Variants in ATL1 observed in about 807,000 individuals in gnomAD.
ATL1 encodes atlastin-1.
In ATL1, 31 loss-of-function variants were observed where a neutral mutation model predicts 75.5. That is an observed-to-expected ratio of 0.41 (90% confidence interval 0.31 to 0.55). The LOEUF (loss-of-function observed/expected upper bound fraction) is 0.55. Ranked by LOEUF, ATL1 falls within the 20% of genes least tolerant of loss-of-function variation. The pLI is 0.27. For missense variants in ATL1, 405 were observed against 662.6 expected, an observed-to-expected ratio of 0.61 and a Z score of 4.27; for synonymous variants, 226 against 233.3, an observed-to-expected ratio of 0.97 and a Z score of 0.28.
chr14:50,606,959 C>T (rs183128071), intron 6 of ATL1, among the ~76,000 whole-genome samples: 281 of 152,126 alleles, frequency 1.8e-3, no homozygotes, highest in Middle Eastern at 3.4e-3. Context: ...ACTTCCAACA[C>T]TAAAATTTGA....
upstream of ATL1, among the ~76,000 whole-genome samples, chr14:50,555,473 G>A (rs2140166390): frequency 6.6e-6 from 1 of 152,138 alleles, no homozygotes; most frequent in Admixed American, 6.5e-5. Flanking sequence ...TAGTAGAGAC[G>A]GGGTTTCACC....
chr14:50,584,803 A>T (rs1249523506), intron 1 of ATL1, among the ~76,000 whole-genome samples: 2 of 151,928 alleles, frequency 1.3e-5, no homozygotes, highest in Non-Finnish European at 2.9e-5. Context: ...TTTCTTAAAC[A>T]TGGTATACAA....
chr14:50,559,561 A>C (rs1446515405), upstream of ATL1: 1 of 152,260 alleles, frequency 6.6e-6, no homozygotes, highest in African/African-American at 2.4e-5. Flanking sequence ...TATCTTTGCA[A>C]ATCTAGTGGG....
At chr14:50,560,605 G>A (rs568232784) in intron 1 of ATL1, 1 of 434,656 alleles carries the variant, frequency 2.3e-6, no homozygotes, top group South Asian at 2.3e-5. Context: ...CGCCTCCGGG[G>A]ACTTGTGGGT....
At chr14:50,590,376 G>T (rs904628710) in intron 2 of ATL1, among the ~76,000 whole-genome samples, 2 of 152,168 alleles carry the variant, frequency 1.3e-5, no homozygotes, top group African/African-American at 2.4e-5. Flanking sequence ...TCAGAATCTG[G>T]CTGTCTGTCC....
intron 1 of ATL1, among the ~76,000 whole-genome samples, chr14:50,540,755 T>C (rs1338978265): frequency 6.6e-6 from 1 of 152,206 alleles, no homozygotes; most frequent in Non-Finnish European, 1.5e-5. Context: ...GCAGAATTCC[T>C]ACATTAGGTT....
chr14:50,545,954 C>T (rs765962675), intron 1 of ATL1, among the ~76,000 whole-genome samples: 1 of 152,166 alleles, frequency 6.6e-6, no homozygotes, highest in African/African-American at 2.4e-5. Flanking sequence ...CTGAAGCTCT[C>T]TATTTCTCTC....
intron 1 of ATL1, among the ~76,000 whole-genome samples, chr14:50,544,017 T>G (rs1276144512): frequency 6.6e-6 from 1 of 152,228 alleles, no homozygotes; most frequent in African/African-American, 2.4e-5. Flanking sequence ...GTTGGGGTGA[T>G]TGATTCTAAC....
At chr14:50,549,279 T>C (rs2038672989) in intron 1 of ATL1, among the ~76,000 whole-genome samples, 1 of 152,074 alleles carries the variant, frequency 6.6e-6, no homozygotes, top group East Asian at 1.9e-4. Flanking sequence ...CATATAACCA[T>C]ATAGGTACAT....
chr14:50,613,899 G>A (rs2039390328), intron 7 of ATL1, among the ~76,000 whole-genome samples: 1 of 152,160 alleles, frequency 6.6e-6, no homozygotes, highest in Non-Finnish European at 1.5e-5. Context: ...TAAAGTGGGA[G>A]GTGAGGGTGA....
chr14:50,542,385 A>T (rs1350011852), intron 1 of ATL1: 1 of 152,138 alleles, frequency 6.6e-6, no homozygotes, highest in Non-Finnish European at 1.5e-5. Flanking sequence ...AGGTGCAGCA[A>T]ACTACCATGG....
chr14:50,610,028 G>A (rs1010304968), intron 6 of ATL1, among the ~76,000 whole-genome samples: 13 of 151,586 alleles, frequency 8.6e-5, no homozygotes, highest in African/African-American at 2.9e-4. Context: ...CTGCCCCACA[G>A]ATTATGTAAG....
In ATL1 at chr14:50,536,897, T is replaced by C. The variant is rs530248841; in HGVS notation, c.-140+3530T>C. 2.8e-4 allele frequency among the ~76,000 whole-genome samples: 43 copies of C among 152,266 alleles called. No homozygotes were observed. In the South Asian group the frequency reaches 8.3e-3, roughly 29 times the overall value. On this transcript the variant is annotated intron_variant, in intron 1 of 13. Coordinates refer to the ATL1 transcript ENST00000441560. ...TCAGTCTTATAAGGGAAGCACAGCATAAAAGTTTGGAAAATTTGCAGCCTG... is the reference window on the plus strand; with the variant it reads ...TCAGTCTTATAAGGGAAGCACAGCACAAAAGTTTGGAAAATTTGCAGCCTG...
chr14:50,620,074 A>G (rs1186215114), intron 8 of ATL1, among the ~76,000 whole-genome samples: 1 of 152,180 alleles, frequency 6.6e-6, no homozygotes, highest in Non-Finnish European at 1.5e-5. Flanking sequence ...CCTGGCCAAC[A>G]TGGTGAAACC....
chr14:50,594,328 C>G (rs555909910), intron 5 of ATL1, among the ~76,000 whole-genome samples: 27 of 152,264 alleles, frequency 1.8e-4, no homozygotes, highest in African/African-American at 6.5e-4. Context: ...CCTGGTCTCT[C>G]CCTTGACACG....
chr14:50,570,659 A>T (rs2038946767), intron 1 of ATL1, among the ~76,000 whole-genome samples: 1 of 152,162 alleles, frequency 6.6e-6, no homozygotes, highest in Admixed American at 6.5e-5. Context: ...GAGTATTTAT[A>T]AGACAGTGGT....
At chr14:50,619,203 C>G (rs569302764) in intron 8 of ATL1, among the ~76,000 whole-genome samples, 1 of 152,290 alleles carries the variant, frequency 6.6e-6, no homozygotes, top group Admixed American at 6.5e-5. Flanking sequence ...CAGGCATATG[C>G]CACCCACGCC....
intron 1 of ATL1, among the ~76,000 whole-genome samples, chr14:50,548,035 C>T (rs1053780986): frequency 6.6e-6 from 1 of 152,038 alleles, no homozygotes; most frequent in Non-Finnish European, 1.5e-5. Context: ...TGGAGACTAC[C>T]CTACAAACCA....
intron 13 of ATL1, chr14:50,630,839 GA>G: frequency 2.8e-6 from 1 of 361,622 alleles, no homozygotes; most frequent in Non-Finnish European, 5.5e-6. Context: ...CAAAGCTTAA[GA>G]AAAAATATAA....
Sources: allele counts gnomAD v4.1 joint callset (sites outside exome capture counted in the v4.1 genomes callset), GRCh38; gene constraint gnomAD v4.1.1; transcripts MANE v1.5; gene names NCBI Gene and HGNC (gene_info 2026-07-23, HGNC 2026-07-21).